The following PLEKHA6 variants were observed in gnomAD, a reference collection of about 807,000 sequenced individuals.
PLEKHA6 encodes the protein pleckstrin homology domain containing A6.
Under a neutral mutation model 116.7 loss-of-function variants are expected in PLEKHA6, and 60 were observed. The observed-to-expected ratio is 0.51, with a 90% CI of 0.42 to 0.64. The LOEUF (loss-of-function observed/expected upper bound fraction) is 0.64. Among genes scored for constraint, PLEKHA6 ranks in the 30% least tolerant of loss-of-function variants. The pLI, the probability that PLEKHA6 is intolerant of heterozygous loss-of-function variation, is 0.00. For synonymous variants in PLEKHA6, 489 were observed against 556.1 expected (o/e 0.88, Z 1.70); for missense variants, 1,338 against 1,422.7 (o/e 0.94, Z 0.96).
chr1:204,351,505 A>T (rs1354273878), intron 1 of PLEKHA6, among the ~76,000 whole-genome samples: 2 of 152,234 alleles, frequency 1.3e-5, no homozygotes, highest in African/African-American at 4.8e-5. Flanking sequence ...CACATATGCA[A>T]CATGCGTGTG....
chr1:204,290,101 T>C (rs1429625990), intron 1 of PLEKHA6, among the ~76,000 whole-genome samples: 2 of 152,200 alleles, frequency 1.3e-5, no homozygotes, highest in Non-Finnish European at 2.9e-5. Flanking sequence ...TATTGTTAAA[T>C]TGTCAACTCT....
rs1409998799 is a variant in PLEKHA6, at chr1:204,268,157, T to C, written c.207+51A>G. Reference sequence around the variant, plus strand: ...CATAAGCACAGAGGAATCCTTATTCTGTGAGGAGAAGGTGGAGGCTACGGT... The same window carrying C: ...CATAAGCACAGAGGAATCCTTATTCCGTGAGGAGAAGGTGGAGGCTACGGT... On this transcript the variant is annotated intron_variant, in intron 4 of 22. Coordinates refer to ENST00000272203, the MANE Select transcript of PLEKHA6 (RefSeq NM_014935.5). 6 of 1,184,916 alleles carry C rather than the reference T, an allele frequency of 5.1e-6. No individual in the cohort carries two copies. In the African/African-American group the frequency reaches 9.1e-5, roughly 18 times the overall value. The allele number at this position is 1,184,916 out of a possible 1,614,324, so 73.4% of individuals were successfully genotyped here. A position where few individuals can be genotyped will look rare whatever the true frequency, so the allele number is the denominator to read the frequency against.
chr1:204,290,514 A>G (rs1162323762), intron 1 of PLEKHA6, among the ~76,000 whole-genome samples: 1 of 152,240 alleles, frequency 6.6e-6, no homozygotes. Flanking sequence ...TAAAAAATTA[A>G]CTCAAAACGG....
At chr1:204,292,927 C>A (rs1239879294) in intron 1 of PLEKHA6, among the ~76,000 whole-genome samples, 3 of 152,056 alleles carry the variant, frequency 2.0e-5, no homozygotes, top group African/African-American at 7.2e-5. Flanking sequence ...GAGCTCCCGG[C>A]CAGACACACG....
Position 204,293,512 on chromosome 1 carries a change from T to C in PLEKHA6, c.-94-18703A>G, listed in dbSNP as rs531304207. Among the ~76,000 whole-genome samples the C allele has an allele frequency of 2.0e-5, 3 of 152,294 alleles. No individual in the cohort carries two copies. In the South Asian group the frequency reaches 6.2e-4, roughly 32 times the overall value. On this transcript the variant is annotated intron_variant, in intron 1 of 22. Transcript: ENST00000272203. ...ACCCATGATGAATGAAATACCAACA[T>C]TTCAAATAAAGACAGGACCAGTATC...
intron 15 of PLEKHA6, among the ~76,000 whole-genome samples, chr1:204,242,514 CAT>C (rs757905626): frequency 1.3e-5 from 2 of 152,206 alleles, no homozygotes; most frequent in Non-Finnish European, 2.9e-5. Flanking sequence ...CCTAGATGAG[CAT>C]ATGAGTTTTC....
At position 204,241,445 on chromosome 1, in the gene PLEKHA6, T is replaced by C. The variant is rs776724273; in HGVS notation, c.2339A>G (p.Asp780Gly). The C allele has an allele frequency of 9.3e-6, 15 of 1,609,790 alleles. No homozygotes were observed. Among genetic ancestry groups the C allele is most frequent in the Non-Finnish European group, 1.3e-5 (15 of 1,178,250 alleles). Residue 780 changes from aspartate to glycine, a missense_variant, in exon 17 of 23, where the codon GAT (aspartate) becomes GGT (glycine). By Grantham distance (94) the Asp-to-Gly change is moderately conservative. Around this residue, in one of 3 missense-constraint regions of PLEKHA6, gnomAD observed 1,136 missense variants for 1,163.6 expected, o/e 0.98. Transcript: ENST00000272203. ...VVPPRTKSPT[D>G]DEVTPSAVVR... ...CACTGCTGATGGGGTCACCTCATCA[T>C]CAGTGGGCGATTTTGTCCGAGGGGG...
chr1:204,321,812 C>G (rs1393526870), intron 1 of PLEKHA6, among the ~76,000 whole-genome samples: 1 of 140,724 alleles, frequency 7.1e-6, no homozygotes, highest in Non-Finnish European at 1.5e-5. Context: ...GTGTGTCTGC[C>G]AGAATAGAAA....
chr1:204,264,214 C>T (rs1383636377), intron 6 of PLEKHA6, among the ~76,000 whole-genome samples: 1 of 152,196 alleles, frequency 6.6e-6, no homozygotes, highest in South Asian at 2.1e-4. Flanking sequence ...TCATAAAATA[C>T]GAAAGGGCAT....
rs1665530620 is a variant in PLEKHA6, at chr1:204,257,680, C to T, written c.1197G>A (p.Gly399=). The T allele has an allele frequency of 6.2e-7, 1 of 1,610,382 alleles. No individual in the cohort carries two copies. The highest frequency in any genetic ancestry group is 1.3e-5 in the African/African-American group (1 of 74,876). Residue 399 remains glycine, a synonymous_variant, in exon 9 of 23, where the codon GGG becomes GGA. Transcript: ENST00000272203. The surrounding 1 kb of genome is among the most constrained non-coding windows in gnomAD (Gnocchi z 6.5). ...CTCGCAGCTGGTAGGCAGGGCCACC[C>T]CCATTGCGGAAGGCATGGCGCTTGT... ...LEDKRHAFRN[G]GGPAYQLREW... is the part of the protein sequence containing the mutation.
chr1:204,298,901 C>A (rs1670547326), intron 1 of PLEKHA6, among the ~76,000 whole-genome samples: 1 of 152,206 alleles, frequency 6.6e-6, no homozygotes, highest in Non-Finnish European at 1.5e-5. Context: ...GCTGCTTTTC[C>A]ATCTTTTCTT....
At chr1:204,326,859 A>G (rs1558183157) in intron 1 of PLEKHA6, 1 of 409,788 alleles carries the variant, frequency 2.4e-6, no homozygotes, top group Non-Finnish European at 3.3e-6. Context: ...ACTGCCTTTC[A>G]TCATCCTTAG....
intron 1 of PLEKHA6, among the ~76,000 whole-genome samples, chr1:204,290,954 A>G (rs1669686742): frequency 1.3e-5 from 2 of 149,600 alleles, no homozygotes; most frequent in Admixed American, 6.7e-5. Flanking sequence ...GCATCACTGC[A>G]TAGCAGCGTG....
chr1:204,360,574 G>T (rs1479647592), upstream of PLEKHA6, among the ~76,000 whole-genome samples: 3 of 152,170 alleles, frequency 2.0e-5, no homozygotes, highest in Admixed American at 6.5e-5. Context: ...TTCCTTTACA[G>T]ATAAGGGCTT....
At chr1:204,291,535 GA>G (rs1669754134) in intron 1 of PLEKHA6, among the ~76,000 whole-genome samples, 3 of 152,294 alleles carry the variant, frequency 2.0e-5, no homozygotes, top group South Asian at 4.1e-4. Flanking sequence ...AAATGTCCAT[GA>G]AAACCTGGGT....
chr1:204,288,847 C>G (rs1669462045), intron 1 of PLEKHA6, among the ~76,000 whole-genome samples: 1 of 152,326 alleles, frequency 6.6e-6, no homozygotes, highest in Admixed American at 6.5e-5. Context: ...CATTGTCAGT[C>G]AAGGAACTGC....
chr1:204,361,420 C>A (rs549640462), upstream of PLEKHA6, among the ~76,000 whole-genome samples: 8 of 152,346 alleles, frequency 5.3e-5, no homozygotes, highest in South Asian at 8.3e-4. Context: ...CTCCACACCC[C>A]ACTCACACAC....
rs543177818 is a variant in PLEKHA6 at position 204,282,212 on chromosome 1, C to T, written c.-94-7403G>A. On this transcript the variant is annotated intron_variant, in intron 1 of 22. Transcript: ENST00000272203. ...ACAAGGTGTACTTCAGTCAGGGTAA[C>T]GGGTTCAAGCTCATGTGTGTGCACG... 5.9e-5 allele frequency among the ~76,000 whole-genome samples: 9 copies of T among 152,202 alleles called. No homozygotes were observed. The South Asian group carries it at 1.0e-3, about 18-fold the overall frequency.
At chr1:204,275,460 G>A (rs1304656318) in intron 1 of PLEKHA6, among the ~76,000 whole-genome samples, 1 of 152,198 alleles carries the variant, frequency 6.6e-6, no homozygotes, top group African/African-American at 2.4e-5. Flanking sequence ...CTCATTAAGG[G>A]ATGCTGTGGC....
Sources: allele counts gnomAD v4.1 joint callset (sites outside exome capture counted in the v4.1 genomes callset), GRCh38; gene constraint gnomAD v4.1.1; regional missense constraint gnomAD v4.1.1; non-coding constraint Gnocchi (gnomAD v3.1); transcripts MANE v1.5; gene names NCBI Gene and HGNC (gene_info 2026-07-23, HGNC 2026-07-21).